OSBPL3: variants seen among roughly 807,000 people sequenced by gnomAD.
The protein encoded by OSBPL3 is oxysterol binding protein like 3.
A neutral mutation model predicts 120.1 loss-of-function variants in OSBPL3; 65 were observed. The ratio of observed to expected loss-of-function variants is 0.54; its 90% confidence interval spans 0.44 to 0.67. The LOEUF (loss-of-function observed/expected upper bound fraction) is 0.67. OSBPL3 is among the 30% of genes least tolerant of loss of function. OSBPL3 has a pLI of 0.00. For missense variants in OSBPL3, 1,004 were observed against 1,082.1 expected (o/e 0.93, Z 1.01); for synonymous variants, 416 against 402.6 (o/e 1.03, Z -0.40).
rs1242608835 is a variant in OSBPL3 at position 24,933,563 on chromosome 7, T to A, written c.-149-40942A>T. Among the ~76,000 whole-genome samples, 1 of 152,172 alleles carries A rather than the reference T, an allele frequency of 6.6e-6. No individual in the cohort carries two copies. Among genetic ancestry groups the A allele is most frequent in the African/African-American group, 2.4e-5 (1 of 41,438 alleles). ...ACCCCAAACAAGATTCACCCTACCA[T>A]GCAAAACACTTAAATCATTAATATT... On this transcript the variant is annotated intron_variant, in intron 1 of 22. Coordinates refer to ENST00000313367, the MANE Select transcript of OSBPL3 (RefSeq NM_015550.4). This position sits in a 1 kb window ranked among gnomAD's most constrained non-coding sequence, Gnocchi z 5.1.
chr7:24,924,840 G>A (rs1208700400), intron 1 of OSBPL3, among the ~76,000 whole-genome samples: 2 of 152,152 alleles, frequency 1.3e-5, no homozygotes, highest in African/African-American at 4.8e-5. Context: ...GCTGCTCACG[G>A]TTCTGCCTAG....
rs1439000416 is a variant in OSBPL3 at position 24,813,036 on chromosome 7, G to A, written c.2172+2023C>T. On this transcript the variant is annotated intron_variant, in intron 19 of 22. Transcript: ENST00000313367. This position sits in a 1 kb window ranked among gnomAD's most constrained non-coding sequence, Gnocchi z 4.5. The stretch of plus-strand genomic sequence containing the variant: ...TGGGACTACAGGTGCATGCCACCGT[G>A]TCTGGCTAATTTTTAAATTTGTTGT... Among the ~76,000 whole-genome samples the A allele has an allele frequency of 6.6e-6, 1 of 152,144 alleles. No homozygotes were observed. Among genetic ancestry groups the A allele is most frequent in the East Asian group, 1.9e-4 (1 of 5,186 alleles).
At position 24,933,911 on chromosome 7, in the gene OSBPL3, G is replaced by A. The variant is rs1812083643; in HGVS notation, c.-149-41290C>T. On this transcript the variant is annotated intron_variant, in intron 1 of 22. Transcript: ENST00000313367. This position sits in a 1 kb window ranked among gnomAD's most constrained non-coding sequence, Gnocchi z 5.1. ...AGTAAAACAACAAATACTAAGATTT[G>A]TTGGCATTAAATCAGTTTAGTCTAT... Among the ~76,000 whole-genome samples, 1 of 152,184 alleles carries A rather than the reference G, an allele frequency of 6.6e-6. No homozygotes were observed. The highest frequency in any genetic ancestry group is 1.5e-5 in the Non-Finnish European group (1 of 68,020).
Position 24,834,374 on chromosome 7 carries a change from A to T in OSBPL3, c.1746+112T>A. ...TGAGTAATGAACCTGTTTACGGAACAATCAAAATGAAACCGGAGGGAACAG... is the reference window on the plus strand; with the variant it reads ...TGAGTAATGAACCTGTTTACGGAACTATCAAAATGAAACCGGAGGGAACAG... On this transcript the variant is annotated intron_variant, in intron 15 of 22. Coordinates refer to ENST00000313367, the MANE Select transcript of OSBPL3 (RefSeq NM_015550.4). This position sits in a 1 kb window ranked among gnomAD's most constrained non-coding sequence, Gnocchi z 5.2. 6.6e-7 allele frequency: 1 copy of T among 1,516,410 alleles called. No individual in the cohort carries two copies. The highest frequency in any genetic ancestry group is 8.8e-7 in the Non-Finnish European group (1 of 1,133,410). The allele number at this position is 1,516,410 out of a possible 1,614,324, so 93.9% of individuals were successfully genotyped here.
chr7:24,897,395 G>A (rs187982032), intron 1 of OSBPL3, among the ~76,000 whole-genome samples: 2 of 143,020 alleles, frequency 1.4e-5, no homozygotes, highest in Non-Finnish European at 3.0e-5. Flanking sequence ...GCGCGATCTC[G>A]GCTCACTGCA....
At chr7:24,866,974 G>T (rs1562853871) in intron 5 of OSBPL3, among the ~76,000 whole-genome samples, 1 of 152,030 alleles carries the variant, frequency 6.6e-6, no homozygotes, top group African/African-American at 2.4e-5. Flanking sequence ...CTAATTTTTT[G>T]TATCTTTAGT....
rs1812839429 is a variant in OSBPL3 at position 24,939,615 on chromosome 7, G to A, written c.-150+40271C>T. Among the ~76,000 whole-genome samples the A allele has an allele frequency of 6.6e-6, 1 of 152,166 alleles. No individual in the cohort carries two copies. Among genetic ancestry groups the A allele is most frequent in the African/African-American group, 2.4e-5 (1 of 41,434 alleles). On this transcript the variant is annotated intron_variant, in intron 1 of 22. Transcript: ENST00000313367. The surrounding 1 kb of genome is among the most constrained non-coding windows in gnomAD (Gnocchi z 4.2). ...CAACCCACTGAATTAAGCAACTCTG[G>A]AACTTCCCTAATTTTAGACTTTTTA...
At position 24,806,823 on chromosome 7, in the gene OSBPL3, T is replaced by C; in HGVS notation, c.2397A>G (p.Ser799=). 6.2e-7 allele frequency: 1 copy of C among 1,613,980 alleles called. No homozygotes were observed. The highest frequency in any genetic ancestry group is 8.5e-7 in the Non-Finnish European group (1 of 1,179,828). ...ALELNEMDPS[S]KSLLPPTDTR... ...TGTCAGTAGGTGGCAATAAAGACTT[T>C]GATGATGGATCCATTTCATTTAATT... The change falls in exon 21 of 23, where the codon TCA becomes TCG. Residue 799 remains serine, a synonymous_variant. Transcript: ENST00000313367. The surrounding 1 kb of genome is among the most constrained non-coding windows in gnomAD (Gnocchi z 5.2).
Position 24,918,644 on chromosome 7 carries a change from T to C in OSBPL3, c.-149-26023A>G, listed in dbSNP as rs561513621. Among the ~76,000 whole-genome samples the C allele has an allele frequency of 3.3e-5, 5 of 152,332 alleles. No individual in the cohort carries two copies. In the South Asian group the frequency reaches 1.0e-3, roughly 32 times the overall value. Reference sequence around the variant, plus strand: ...CAACATTTAGTACTCACTTAACAAATGTTCACTAATCACTTACCATTGGTC... The same window carrying C: ...CAACATTTAGTACTCACTTAACAAACGTTCACTAATCACTTACCATTGGTC... On this transcript the variant is annotated intron_variant, in intron 1 of 22. Transcript: ENST00000313367. The surrounding 1 kb of genome is among the most constrained non-coding windows in gnomAD (Gnocchi z 4.3).
intron 2 of OSBPL3, among the ~76,000 whole-genome samples, chr7:24,890,649 T>C (rs1805209962): frequency 6.6e-6 from 1 of 152,224 alleles, no homozygotes. Context: ...ATAAACTTAA[T>C]AAATTCTCCA....
rs1803207905 is a variant in OSBPL3, at chr7:24,878,705, AGCAATG to A, written c.97-6642_97-6637del. ...TTTGTTTAGCACCAGCAGGCCTGAT[AGCAATG>A]GCAATTTTTAAGAAAAGAAAAAATT... On this transcript the variant is annotated intron_variant, in intron 2 of 22. Transcript: ENST00000313367. Among the ~76,000 whole-genome samples the A allele has an allele frequency of 2.6e-5, 4 of 152,240 alleles. No homozygotes were observed. The South Asian group carries it at 8.3e-4, about 32-fold the overall frequency.
chr7:24,816,507 C>A, intron 18 of OSBPL3, 103 bp downstream of exon 18: 1 of 742,474 alleles, frequency 1.3e-6, no homozygotes, highest in Non-Finnish European at 2.4e-6. Context: ...AAAAAATACA[C>A]ACTCAATGCA....
Position 24,918,967 on chromosome 7 carries a change from C to A in OSBPL3, c.-149-26346G>T, listed in dbSNP as rs748961576. On this transcript the variant is annotated intron_variant, in intron 1 of 22. Coordinates refer to ENST00000313367, the MANE Select transcript of OSBPL3 (RefSeq NM_015550.4). This position sits in a 1 kb window ranked among gnomAD's most constrained non-coding sequence, Gnocchi z 4.3. ...CTTACATACGTCACATTATTTAATT[C>A]CCCGAATTACCCTTTGATTTGGTAG... Among the ~76,000 whole-genome samples, 1 of 152,148 alleles carries A rather than the reference C, an allele frequency of 6.6e-6. No homozygotes were observed. The highest frequency in any genetic ancestry group is 2.4e-5 in the African/African-American group (1 of 41,420).
intron 1 of OSBPL3, among the ~76,000 whole-genome samples, chr7:24,897,753 T>C (rs987735369): frequency 6.6e-6 from 1 of 152,182 alleles, no homozygotes; most frequent in African/African-American, 2.4e-5. Flanking sequence ...AAGACATAAA[T>C]GCAGAAAGAT....
At position 24,928,194 on chromosome 7, in the gene OSBPL3, G is replaced by GTTTTT. The variant is rs58340103; in HGVS notation, c.-149-35578_-149-35574dup. On this transcript the variant is annotated intron_variant, in intron 1 of 22. Transcript: ENST00000313367. ...GTGAGCCAATTAAACCTTCCTTTTT[G>GTTTTT]TTTTTTTTTTTTTTTGAGATGGAGT... Among the ~76,000 whole-genome samples, 396 of 135,616 alleles carry GTTTTT rather than the reference G, an allele frequency of 2.9e-3. 4 individuals are homozygous for GTTTTT. The Middle Eastern group carries it at 0.036, about 12-fold the overall frequency. 89.0% of individuals were successfully genotyped at this position (135,616 alleles called of 152,430 possible).
chr7:24,837,639 C>T (rs1251949928), intron 14 of OSBPL3, among the ~76,000 whole-genome samples: 1 of 152,258 alleles, frequency 6.6e-6, no homozygotes, highest in Non-Finnish European at 1.5e-5. Flanking sequence ...ACATATCTTG[C>T]ATTTTATTCT....
chr7:24,903,396 G>A (rs994352852), intron 1 of OSBPL3, among the ~76,000 whole-genome samples: 1 of 152,206 alleles, frequency 6.6e-6, no homozygotes, highest in African/African-American at 2.4e-5. Context: ...CTTACTACTA[G>A]CCTTTTGAAG....
In OSBPL3 at chr7:24,849,280, T is replaced by A; in HGVS notation, c.1159-104A>T. The A allele has an allele frequency of 1.2e-6, 1 of 810,684 alleles. No individual in the cohort carries two copies. Among genetic ancestry groups the A allele is most frequent in the Non-Finnish European group, 2.0e-6 (1 of 498,030 alleles). 50.2% of individuals were successfully genotyped at this position (810,684 alleles called of 1,614,324 possible). ...GATCTCTAAGAGCTTGATGAAACTC[T>A]TAGTGACGTGGTCTGACAGCGCACT... On this transcript the variant is annotated intron_variant, in intron 11 of 22. Coordinates refer to ENST00000313367, the MANE Select transcript of OSBPL3 (RefSeq NM_015550.4). The surrounding 1 kb of genome is among the most constrained non-coding windows in gnomAD (Gnocchi z 5.4).
Position 24,849,903 on chromosome 7 carries a change from G to A in OSBPL3, c.1159-727C>T, listed in dbSNP as rs1207057954. On this transcript the variant is annotated intron_variant, in intron 11 of 22. Transcript: ENST00000313367. The surrounding 1 kb of genome is among the most constrained non-coding windows in gnomAD (Gnocchi z 5.4). ...CTGGGAGGCTGACAGATGTTGCAGC[G>A]AGCTGAGATTGCGGCCTGGGTGAGA... 1.5e-4 allele frequency among the ~76,000 whole-genome samples: 22 copies of A among 150,338 alleles called. No homozygotes were observed. The highest frequency in any genetic ancestry group is 1.2e-4 in the Non-Finnish European group (8 of 67,786).
Sources: gnomAD v4.1 joint callset for allele counts (sites outside exome capture counted in the v4.1 genomes callset) on GRCh38, gnomAD v4.1.1 for gene constraint, Gnocchi (gnomAD v3.1) non-coding constraint, MANE v1.5 for transcripts, NCBI Gene and HGNC (gene_info 2026-07-23, HGNC 2026-07-21) for gene names.